Variants in PSMA1 observed in about 807,000 individuals in gnomAD.
The protein encoded by PSMA1 is proteasome subunit alpha type-1.
A neutral mutation model predicts 38.4 loss-of-function variants in PSMA1; 3 were observed. That is an observed-to-expected ratio of 0.08 (90% CI 0.04 to 0.20). The LOEUF (loss-of-function observed/expected upper bound fraction) is 0.20. PSMA1 is among the 10% of genes least tolerant of loss of function. PSMA1 has a pLI of 1.00. For missense variants in PSMA1, 227 were observed against 325.3 expected, an observed-to-expected ratio of 0.70 and a Z score of 2.32; for synonymous variants, 101 against 107.1, an observed-to-expected ratio of 0.94 and a Z score of 0.35.
chr11:14,535,506 C>A (rs1192332408), intron 2 of PSMA1, among the ~76,000 whole-genome samples: 1 of 150,236 alleles, frequency 6.7e-6, no homozygotes, highest in Non-Finnish European at 1.5e-5. Flanking sequence ...TGCAATGGCA[C>A]GATCTCGGCT....
At chr11:14,634,500 G>GC (rs1329586974) in intron 1 of PSMA1, among the ~76,000 whole-genome samples, 2 of 151,476 alleles carry the variant, frequency 1.3e-5, no homozygotes, top group African/African-American at 2.4e-5. Context: ...TAAAATTTAG[G>GC]CTTTTTTTTT....
chr11:14,574,490 G>A (rs1852188562), intron 2 of PSMA1, among the ~76,000 whole-genome samples: 1 of 152,186 alleles, frequency 6.6e-6, no homozygotes, highest in South Asian at 2.1e-4. Context: ...GATTTCAGAA[G>A]ACGTATGGTG....
chr11:14,631,245 T>C (rs1853004132), intron 1 of PSMA1, among the ~76,000 whole-genome samples: 1 of 152,246 alleles, frequency 6.6e-6, no homozygotes, highest in African/African-American at 2.4e-5. Context: ...CTAGTTCTTT[T>C]AATTGTGATG....
rs369153742 is a variant in PSMA1, at chr11:14,549,700, CAAAAAAAA to C, written c.22-30667_22-30660del. ...TGAGTGACAGAGTGAGACTCCATCT[CAAAAAAAA>C]AAAAAAAAAAGAGACATTCTTGTCA... On this transcript the variant is annotated intron_variant, in intron 2 of 10. Transcript: ENST00000418988. Among the ~76,000 whole-genome samples the C allele has an allele frequency of 1.5e-4, 11 of 74,480 alleles. 1 individual carries two copies. Among genetic ancestry groups the C allele is most frequent in the African/African-American group, 4.6e-4 (10 of 21,600 alleles). 48.9% of individuals were successfully genotyped at this position (74,480 alleles called of 152,430 possible). A position where few individuals can be genotyped will look rare whatever the true frequency, so the allele number is the denominator to read the frequency against.
upstream of PSMA1, among the ~76,000 whole-genome samples, chr11:14,523,083 C>A (rs1201366253): frequency 2.0e-5 from 3 of 152,118 alleles, no homozygotes. Context: ...TTATTCACAG[C>A]AATTGTCTGT....
chr11:14,572,848 A>G (rs1565047706), intron 2 of PSMA1, among the ~76,000 whole-genome samples: 2 of 152,248 alleles, frequency 1.3e-5, no homozygotes, highest in Admixed American at 6.5e-5. Context: ...CACCAATCCC[A>G]TGGAAATACA....
chr11:14,629,325 A>G (rs976744012), intron 1 of PSMA1, among the ~76,000 whole-genome samples: 40 of 152,180 alleles, frequency 2.6e-4, no homozygotes, highest in African/African-American at 9.7e-4. Flanking sequence ...TCTTTAATCC[A>G]TCTTGAATTG....
At chr11:14,558,249 CAAAAAAAAA>C (rs35509045) in intron 2 of PSMA1, among the ~76,000 whole-genome samples, 2 of 78,054 alleles carry the variant, frequency 2.6e-5, no homozygotes, top group African/African-American at 1.0e-4. Flanking sequence ...CCCATCTGCA[CAAAAAAAAA>C]AAAAAAAAAA....
intron 1 of PSMA1, among the ~76,000 whole-genome samples, chr11:14,637,998 T>A (rs1853131740): frequency 6.6e-6 from 1 of 152,238 alleles, no homozygotes; most frequent in Non-Finnish European, 1.5e-5. Context: ...AAAAATAAAC[T>A]AATTTACATT....
chr11:14,532,638 A>AT (rs527568071), intron 2 of PSMA1, among the ~76,000 whole-genome samples: 1 of 135,750 alleles, frequency 7.4e-6, no homozygotes, highest in African/African-American at 2.8e-5. Flanking sequence ...TACATTGAAG[A>AT]TTTTTTTTCA....
chr11:14,610,863 T>C (rs1359064285), intron 2 of PSMA1: 2 of 1,236,854 alleles, frequency 1.6e-6, no homozygotes, highest in Non-Finnish European at 1.2e-6. Context: ...TAGAGATGCG[T>C]TTTTCTCACA....
rs551168154 is a variant in PSMA1 at position 14,575,971 on chromosome 11, A to T, written c.21+34995T>A. On this transcript the variant is annotated intron_variant, in intron 2 of 10. Transcript: ENST00000418988. ...ACCATTCTAACTGGTGTGAGATGGTATCTCATTGTGGTTTTGATTTGTATT... is the reference window on the plus strand; with the variant it reads ...ACCATTCTAACTGGTGTGAGATGGTTTCTCATTGTGGTTTTGATTTGTATT... Among the ~76,000 whole-genome samples the T allele has an allele frequency of 2.0e-4, 31 of 152,282 alleles. No individual in the cohort carries two copies. In the South Asian group the frequency reaches 6.2e-3, roughly 31 times the overall value.
At chr11:14,585,764 T>C (rs894585986) in intron 2 of PSMA1, among the ~76,000 whole-genome samples, 1 of 152,170 alleles carries the variant, frequency 6.6e-6, no homozygotes, top group Non-Finnish European at 1.5e-5. Flanking sequence ...TGCAGTGCAG[T>C]AGCCCTGAAA....
At chr11:14,639,147 G>C (rs1252573049) in intron 1 of PSMA1, among the ~76,000 whole-genome samples, 1 of 152,088 alleles carries the variant, frequency 6.6e-6, no homozygotes. Context: ...AAGAATTCAG[G>C]TACTGTCACT....
At chr11:14,576,954 G>C (rs188941586) in intron 2 of PSMA1, among the ~76,000 whole-genome samples, 1 of 151,972 alleles carries the variant, frequency 6.6e-6, no homozygotes, top group East Asian at 1.9e-4. Flanking sequence ...CTTTTATTTC[G>C]TTGAGCAGTG....
At chr11:14,529,027 C>A (rs1196212549) in intron 2 of PSMA1, among the ~76,000 whole-genome samples, 1 of 151,290 alleles carries the variant, frequency 6.6e-6, no homozygotes, top group African/African-American at 2.4e-5. Context: ...CACACAAAGC[C>A]TGTTTGGTGT....
At position 14,514,467 on chromosome 11, in the gene PSMA1, C is replaced by T; in HGVS notation, c.279G>A (p.Leu93=). The part of the protein sequence containing the change: ...LLCNFMRQEC[L]DSRFVFDRPL... ...GTCTATCGAATACAAATCTGGAATC[C>T]AAACACTCCTGACGCATAAAATTAC... Residue 93 remains leucine, a synonymous_variant, in exon 5 of 10, where the codon TTG becomes TTA. Transcript: ENST00000396394. The T allele has an allele frequency of 1.3e-6, 2 of 1,598,988 alleles. No homozygotes were observed. The highest frequency in any genetic ancestry group is 1.7e-6 in the Non-Finnish European group (2 of 1,174,224).
chr11:14,543,535 T>C (rs1286464215), intron 2 of PSMA1, among the ~76,000 whole-genome samples: 2 of 152,178 alleles, frequency 1.3e-5, no homozygotes, highest in Non-Finnish European at 2.9e-5. Flanking sequence ...TGGTTTCTTT[T>C]TTTTTTTTAA....
chr11:14,610,333 G>C (rs1248984408), intron 2 of PSMA1, among the ~76,000 whole-genome samples: 1 of 122,832 alleles, frequency 8.1e-6, no homozygotes, highest in East Asian at 2.4e-4. Context: ...ATAAGAGTGG[G>C]GCTGTGTCTA....
Sources: gnomAD v4.1 joint callset for allele counts (sites outside exome capture counted in the v4.1 genomes callset) on GRCh38, gnomAD v4.1.1 for gene constraint, MANE v1.5 for transcripts, NCBI Gene and HGNC (gene_info 2026-07-23, HGNC 2026-07-21) for gene names.